The following SPR variants were observed in gnomAD, a reference collection of about 807,000 sequenced individuals.
The protein encoded by SPR is Sepiapterin reductase (L-erythro-7,8-dihydrobiopterin forming).
A neutral mutation model predicts 16.0 loss-of-function variants in SPR; 12 were observed. The ratio of observed to expected loss-of-function variants is 0.75; its 90% confidence interval spans 0.48 to 1.22. SPR has a LOEUF of 1.22. Ranked by LOEUF, SPR falls within the 50% of genes most tolerant of loss-of-function variation. The pLI, the probability that SPR is intolerant of heterozygous loss-of-function variation, is 0.00. For synonymous variants in SPR, 177 were observed against 168.5 expected, an observed-to-expected ratio of 1.05 and a Z score of -0.39; for missense variants, 324 against 344.4, an observed-to-expected ratio of 0.94 and a Z score of 0.47.
rs946094503 is a variant in SPR at position 72,887,438 on chromosome 2, G to T, written c.6G>T (p.Glu2Asp). Residue 2 changes from glutamate to aspartate, a missense_variant, in exon 1 of 3, where the codon GAG becomes GAT. Coordinates refer to ENST00000234454, the MANE Select transcript of SPR (RefSeq NM_003124.5). ...CGCCGGCGGAGAACAGGAGCATGGA[G>T]GGCGGGCTGGGGCGTGCTGTGTGCT... is the stretch of plus-strand genomic sequence containing the variant. M[E>D]GGLGRAVCLL... 1.3e-6 allele frequency: 2 copies of T among 1,495,326 alleles called. No homozygotes were observed. Among genetic ancestry groups the T allele is most frequent in the Non-Finnish European group, 8.9e-7 (1 of 1,128,066 alleles). 92.6% of individuals were successfully genotyped at this position (1,495,326 alleles called of 1,614,324 possible).
At chr2:72,888,274 C>G (rs1670571361) in intron 1 of SPR, 40 bp from the exon 2 acceptor site, 1 of 1,609,376 alleles carries the variant, frequency 6.2e-7, no homozygotes, top group East Asian at 2.2e-5. Flanking sequence ...AGAAGAAAGC[C>G]CCGCCTGCAC....
Position 72,888,585 on chromosome 2 carries a change from G to A in SPR, c.576G>A (p.Arg192=). Residue 192 remains arginine, a synonymous_variant, in exon 2 of 3, where the codon AGG becomes AGA. Transcript: ENST00000234454. ...QVLALEEPNV[R]VLNYAPGPLD... ...TGGCGCTGGAGGAACCTAATGTGAG[G>A]GTGCTGAACTATGCCCCAGGTAGGT... 1 of 1,594,324 alleles carries A rather than the reference G, an allele frequency of 6.3e-7. No individual in the cohort carries two copies. Among genetic ancestry groups the A allele is most frequent in the Non-Finnish European group, 8.6e-7 (1 of 1,168,588 alleles).
At chr2:72,889,824 C>T (rs1453347588) in intron 2 of SPR, among the ~76,000 whole-genome samples, 1 of 152,172 alleles carries the variant, frequency 6.6e-6, no homozygotes, top group Non-Finnish European at 1.5e-5. Flanking sequence ...ATTTCGGTCT[C>T]AGGAAGAATG....
chr2:72,890,587 C>T lies in SPR; in HGVS notation c.596-760C>T, dbSNP rs71416766. Among the ~76,000 whole-genome samples, 945 of 152,248 alleles carry T rather than the reference C, an allele frequency of 6.2e-3. 5 individuals carry two copies. The highest frequency in any genetic ancestry group is 0.011 in the Non-Finnish European group (736 of 68,008). On this transcript the variant is annotated intron_variant, in intron 2 of 2. Transcript: ENST00000234454. ...CAATCTCCTGACCTCATGATCTGCC[C>T]GCCTCGGCCTCCCAAAGTGCTGGGA...
chr2:72,887,944 T>A (rs1359682808), intron 1 of SPR, among the ~76,000 whole-genome samples: 1 of 152,194 alleles, frequency 6.6e-6, no homozygotes, highest in African/African-American at 2.4e-5. Context: ...CCTGGAAAAT[T>A]GGCCAGCCGG....
Position 72,888,529 on chromosome 2 carries a change from A to T in SPR, c.520A>T (p.Lys174Ter). The T allele has an allele frequency of 6.2e-7, 1 of 1,606,046 alleles. No homozygotes were observed. Among genetic ancestry groups the T allele is most frequent in the African/African-American group, 1.3e-5 (1 of 74,846 alleles). ...FKGWALYCAG[K>*]AARDMLFQVL... Reference sequence around the variant, plus strand: ...AGGCTGGGCGCTGTACTGTGCAGGAAAGGCTGCTCGTGATATGCTGTTCCA... The same window carrying T: ...AGGCTGGGCGCTGTACTGTGCAGGATAGGCTGCTCGTGATATGCTGTTCCA... Residue 174 changes from lysine (K) to a stop codon, truncating the protein, a stop_gained, in exon 2 of 3, where the codon AAG (lysine) becomes TAG (stop). Coordinates refer to ENST00000234454, the MANE Select transcript of SPR (RefSeq NM_003124.5). LOFTEE classifies it high-confidence loss of function.
Position 72,887,741 on chromosome 2 carries a change from G to C in SPR, c.304+5G>C, listed in dbSNP as rs1432475632. ...TGCTGCTTATCAACAACGCGGGTAAGACCCCGGGGCTGGAGCGGACTCCCC... is the reference window on the plus strand; with the variant it reads ...TGCTGCTTATCAACAACGCGGGTAACACCCCGGGGCTGGAGCGGACTCCCC... On this transcript the variant is annotated splice_donor_5th_base_variant and intron_variant, in intron 1 of 2. Coordinates refer to ENST00000234454, the MANE Select transcript of SPR (RefSeq NM_003124.5). The C allele has an allele frequency of 1.3e-6, 2 of 1,510,764 alleles. No homozygotes were observed. The highest frequency in any genetic ancestry group is 2.6e-5 in the East Asian group (1 of 38,596). 93.6% of individuals were successfully genotyped at this position (1,510,764 alleles called of 1,614,324 possible).
Position 72,887,552 on chromosome 2 carries a change from C to A in SPR, c.120C>A (p.Ser40Arg). 1 of 1,458,010 alleles carries A rather than the reference C, an allele frequency of 6.9e-7. No homozygotes were observed. Among genetic ancestry groups the A allele is most frequent in the South Asian group, 1.4e-5 (1 of 73,816 alleles). The allele number at this position is 1,458,010 out of a possible 1,614,324, so 90.3% of individuals were successfully genotyped here. ...CGCCCGGCTCCGTGCTTGTCCTTAG[C>A]GCCCGCAACGACGAGGCACTGCGCC... is the stretch of plus-strand genomic sequence containing the variant. ...LLSPGSVLVL[S>R]ARNDEALRQL... Residue 40 changes from serine to arginine, a missense_variant, in exon 1 of 3, where the codon AGC (serine) becomes AGA (arginine). Ser to Arg is a moderately radical substitution (Grantham distance 110). Coordinates refer to ENST00000234454, the MANE Select transcript of SPR (RefSeq NM_003124.5).
At position 72,888,563 on chromosome 2, in the gene SPR, C is replaced by A; in HGVS notation, c.554C>A (p.Ala185Glu). ...CGTGATATGCTGTTCCAGGTCCTGG[C>A]GCTGGAGGAACCTAATGTGAGGGTG... ...AARDMLFQVL[A>E]LEEPNVRVLN... is the part of the protein sequence containing the mutation. The change falls in exon 2 of 3, where the codon GCG (alanine) becomes GAG (glutamate). Residue 185 changes from alanine (A) to glutamate (E), a missense_variant. Coordinates refer to ENST00000234454, the MANE Select transcript of SPR (RefSeq NM_003124.5). 1 of 1,595,542 alleles carries A rather than the reference C, an allele frequency of 6.3e-7. No homozygotes were observed. The highest frequency in any genetic ancestry group is 8.6e-7 in the Non-Finnish European group (1 of 1,169,302).
Position 72,887,498 on chromosome 2 carries a change from G to T in SPR, c.66G>T (p.Thr22=), listed in dbSNP as rs767579742. Residue 22 remains threonine (T), a synonymous_variant, in exon 1 of 3, where the codon ACG becomes ACT. Transcript: ENST00000234454. ...GGGCCTCCCGCGGCTTCGGCCGGAC[G>T]CTGGCCCCGCTCCTGGCCTCGCTGC... ...LTGASRGFGR[T]LAPLLASLLS... The T allele has an allele frequency of 1.8e-5, 27 of 1,495,190 alleles. No homozygotes were observed. Among genetic ancestry groups the T allele is most frequent in the Admixed American group, 2.2e-5 (1 of 45,440 alleles). The allele number at this position is 1,495,190 out of a possible 1,614,324, so 92.6% of individuals were successfully genotyped here. A position where few individuals can be genotyped will look rare whatever the true frequency, so the allele number is the denominator to read the frequency against.
rs1437623143 is a variant in SPR, at chr2:72,887,626, G to A, written c.194G>A (p.Arg65Gln). The part of the protein sequence containing the change: ...GAERSGLRVV[R>Q]VPADLGAEAG... ...GAGCGGTCTGGCCTGCGCGTGGTGCGGGTGCCCGCCGACCTGGGCGCCGAG... is the reference window on the plus strand; with the variant it reads ...GAGCGGTCTGGCCTGCGCGTGGTGCAGGTGCCCGCCGACCTGGGCGCCGAG... The change falls in exon 1 of 3, where the codon CGG becomes CAG. Residue 65 changes from arginine to glutamine, a missense_variant. Arg to Gln is a conservative substitution (Grantham distance 43, BLOSUM62 1). Coordinates refer to ENST00000234454, the MANE Select transcript of SPR (RefSeq NM_003124.5). The A allele has an allele frequency of 1.7e-5, 25 of 1,432,154 alleles. No individual in the cohort carries two copies. The highest frequency in any genetic ancestry group is 2.1e-5 in the Non-Finnish European group (23 of 1,102,758). The allele number at this position is 1,432,154 out of a possible 1,614,324, so 88.7% of individuals were successfully genotyped here.
chr2:72,888,527 G>C lies in SPR; in HGVS notation c.518G>C (p.Gly173Ala). 1 of 1,606,796 alleles carries C rather than the reference G, an allele frequency of 6.2e-7. No individual in the cohort carries two copies. Among genetic ancestry groups the C allele is most frequent in the Non-Finnish European group, 8.5e-7 (1 of 1,175,878 alleles). ...PFKGWALYCA[G>A]KAARDMLFQV... ...AAAGGCTGGGCGCTGTACTGTGCAG[G>C]AAAGGCTGCTCGTGATATGCTGTTC... is the stretch of plus-strand genomic sequence containing the variant. The change falls in exon 2 of 3, where the codon GGA (glycine) becomes GCA (alanine). Residue 173 changes from glycine (G) to alanine (A), a missense_variant. Physicochemically the swap from Gly to Ala is moderately conservative, Grantham distance 60. Coordinates refer to ENST00000234454, the MANE Select transcript of SPR (RefSeq NM_003124.5).
chr2:72,892,081 CCA>C lies in SPR; in HGVS notation c.*545_*546del, dbSNP rs1670631187. On this transcript the variant is annotated 3_prime_UTR_variant, in exon 3 of 3. Coordinates refer to ENST00000234454, the MANE Select transcript of SPR (RefSeq NM_003124.5). ...TCCTTCAGAATCTACCACCCCTCCCCCAGGCTGGGAGAAGGGGCTCCTGGGTG... is the reference window on the plus strand; with the variant it reads ...TCCTTCAGAATCTACCACCCCTCCCCGGCTGGGAGAAGGGGCTCCTGGGTG... 1 of 166,318 alleles carries C rather than the reference CCA, an allele frequency of 6.0e-6. No individual in the cohort carries two copies. The highest frequency in any genetic ancestry group is 1.6e-4 in the South Asian group (1 of 6,414). 10.3% of individuals were successfully genotyped at this position (166,318 alleles called of 1,614,324 possible).
Position 72,891,513 on chromosome 2 carries a change from C to A in SPR, c.762C>A (p.Ala254=). 1 of 1,614,228 alleles carries A rather than the reference C, an allele frequency of 6.2e-7. No individual in the cohort carries two copies. Among genetic ancestry groups the A allele is most frequent in the Non-Finnish European group, 8.5e-7 (1 of 1,180,040 alleles). The change falls in exon 3 of 3, where the codon GCC becomes GCA. Residue 254 remains alanine, a synonymous_variant. Transcript: ENST00000234454. ...LLEKDEFKSG[A]HVDFYDK ...AAAAGGACGAGTTCAAGTCTGGAGC[C>A]CACGTGGACTTCTATGACAAATAAG...
In SPR at chr2:72,887,461, G is replaced by A; in HGVS notation, c.29G>A (p.Cys10Tyr). 1 of 1,506,536 alleles carries A rather than the reference G, an allele frequency of 6.6e-7. No individual in the cohort carries two copies. Among genetic ancestry groups the A allele is most frequent in the Non-Finnish European group, 8.8e-7 (1 of 1,133,672 alleles). The allele number at this position is 1,506,536 out of a possible 1,614,324, so 93.3% of individuals were successfully genotyped here. A position where few individuals can be genotyped will look rare whatever the true frequency, so the allele number is the denominator to read the frequency against. The change falls in exon 1 of 3, where the codon TGC becomes TAC. Residue 10 changes from cysteine to tyrosine, a missense_variant. Coordinates refer to ENST00000234454, the MANE Select transcript of SPR (RefSeq NM_003124.5). Reference protein sequence around the residue: MEGGLGRAVCLLTGASRGFG... With the variant: MEGGLGRAVYLLTGASRGFG... ...GAGGGCGGGCTGGGGCGTGCTGTGTGCTTGCTGACCGGGGCCTCCCGCGGC... is the reference window on the plus strand; with the variant it reads ...GAGGGCGGGCTGGGGCGTGCTGTGTACTTGCTGACCGGGGCCTCCCGCGGC...
chr2:72,891,538 G>A lies in SPR; in HGVS notation c.*1G>A. ...CCACGTGGACTTCTATGACAAATAA[G>A]CCCATGTTTTTGGCTTCCTGAACCT... On this transcript the variant is annotated 3_prime_UTR_variant, in exon 3 of 3. Coordinates refer to ENST00000234454, the MANE Select transcript of SPR (RefSeq NM_003124.5). 6.2e-7 allele frequency: 1 copy of A among 1,614,238 alleles called. No homozygotes were observed. Among genetic ancestry groups the A allele is most frequent in the Non-Finnish European group, 8.5e-7 (1 of 1,180,038 alleles).
In SPR at chr2:72,890,406, G is replaced by A. The variant is rs1670600059; in HGVS notation, c.596-941G>A. Among the ~76,000 whole-genome samples the A allele has an allele frequency of 2.0e-5, 3 of 152,176 alleles. 1 individual carries two copies. Among genetic ancestry groups the A allele is most frequent in the South Asian group, 4.1e-4 (2 of 4,834 alleles). Reference sequence around the variant, plus strand: ...TGCCTAGGCTGGAGTGCAGTGGCACGATCTCGGCCACTGCAAGCTCCACCT... The same window carrying A: ...TGCCTAGGCTGGAGTGCAGTGGCACAATCTCGGCCACTGCAAGCTCCACCT... On this transcript the variant is annotated intron_variant, in intron 2 of 2. Transcript: ENST00000234454.
rs1366748724 is a variant in SPR, at chr2:72,888,390, C to G, written c.381C>G (p.Asn127Lys). Residue 127 changes from asparagine to lysine, a missense_variant, in exon 2 of 3, where the codon AAC (asparagine) becomes AAG (lysine). By Grantham distance (94) the Asn-to-Lys change is moderately conservative. Coordinates refer to ENST00000234454, the MANE Select transcript of SPR (RefSeq NM_003124.5). Reference sequence around the variant, plus strand: ...AAGTGAACAACTACTGGGCACTGAACTTGACCTCCATGCTCTGCCTGACTT... The same window carrying G: ...AAGTGAACAACTACTGGGCACTGAAGTTGACCTCCATGCTCTGCCTGACTT... ...STQVNNYWAL[N>K]LTSMLCLTSS... The G allele has an allele frequency of 3.1e-6, 5 of 1,614,202 alleles. No individual in the cohort carries two copies. The highest frequency in any genetic ancestry group is 4.2e-6 in the Non-Finnish European group (5 of 1,180,024).
intron 2 of SPR, among the ~76,000 whole-genome samples, chr2:72,889,721 G>T (rs1414344755): frequency 1.3e-5 from 2 of 152,224 alleles, no homozygotes; most frequent in African/African-American, 2.4e-5. Context: ...GGCTGCGTTT[G>T]GTCTCAGGAG....
Sources: allele counts gnomAD v4.1 joint callset (sites outside exome capture counted in the v4.1 genomes callset), GRCh38; gene constraint gnomAD v4.1.1; transcripts MANE v1.5; gene names NCBI Gene and HGNC (gene_info 2026-07-23, HGNC 2026-07-21).